The following TSPAN13 variants were observed in gnomAD, a reference collection of about 807,000 sequenced individuals.
The protein encoded by TSPAN13 is tetraspanin 13.
Under a neutral mutation model 26.9 loss-of-function variants are expected in TSPAN13, and 18 were observed. The observed-to-expected ratio is 0.67, with a 90% CI of 0.46 to 0.99. The LOEUF is 0.99. Among genes scored for constraint, TSPAN13 ranks in the 50% least tolerant of loss-of-function variants. The probability of loss-of-function intolerance (pLI) is 0.00; values close to 1 mark genes in which losing one functional copy is unlikely to be tolerated. For synonymous variants in TSPAN13, 116 were observed against 98.4 expected, an observed-to-expected ratio of 1.18 and a Z score of -1.06; for missense variants, 201 against 249.6, an observed-to-expected ratio of 0.81 and a Z score of 1.31.
chr7:16,772,266 G>C (rs1416136499), intron 1 of TSPAN13, among the ~76,000 whole-genome samples: 1 of 152,138 alleles, frequency 6.6e-6, no homozygotes, highest in African/African-American at 2.4e-5. Context: ...TTCCAGGCAG[G>C]TTCTATAACA....
At chr7:16,771,082 G>T (rs1784672145) in intron 1 of TSPAN13, among the ~76,000 whole-genome samples, 1 of 152,106 alleles carries the variant, frequency 6.6e-6, no homozygotes, top group Admixed American at 6.6e-5. Context: ...ATCCTTTCCC[G>T]TTAGGGACTG....
In TSPAN13 at chr7:16,783,525, G is replaced by A. The variant is rs779576204; in HGVS notation, c.*34G>A. ...CAAGGAAGATTTCCTTTCGTATTAT[G>A]ATCTTGTTCACTTTCTGTAATTTTC... On this transcript the variant is annotated 3_prime_UTR_variant, in exon 6 of 6. Transcript: ENST00000262067. 6.3e-7 allele frequency: 1 copy of A among 1,592,812 alleles called. No individual in the cohort carries two copies. The highest frequency in any genetic ancestry group is 8.6e-7 in the Non-Finnish European group (1 of 1,161,448).
chr7:16,758,154 AT>A (rs1285237141), intron 1 of TSPAN13, among the ~76,000 whole-genome samples: 1 of 152,150 alleles, frequency 6.6e-6, no homozygotes, highest in Non-Finnish European at 1.5e-5. Context: ...CCGGCCTGGG[AT>A]GCATTTTATA....
In TSPAN13 at chr7:16,777,072, G is replaced by A; in HGVS notation, c.262G>A (p.Val88Ile). 6.2e-7 allele frequency: 1 copy of A among 1,613,172 alleles called. No individual in the cohort carries two copies. The highest frequency in any genetic ancestry group is 8.5e-7 in the Non-Finnish European group (1 of 1,179,430). The change falls in exon 3 of 6, where the codon GTT becomes ATT. Residue 88 changes from valine (V) to isoleucine (I), a missense_variant. Val to Ile is a conservative substitution (Grantham distance 29). Transcript: ENST00000262067. ...GATTATTCTGTTACTTGTATTTATTGTTCAGTTTTCTGTATCTTGCGCTTG... is the reference window on the plus strand; with the variant it reads ...GATTATTCTGTTACTTGTATTTATTATTCAGTTTTCTGTATCTTGCGCTTG... ...YMIILLLVFI[V>I]QFSVSCACLA...
At chr7:16,771,659 G>T (rs1234154271) in intron 1 of TSPAN13, among the ~76,000 whole-genome samples, 1 of 152,234 alleles carries the variant, frequency 6.6e-6, no homozygotes, top group Non-Finnish European at 1.5e-5. Flanking sequence ...CAAGGAAACA[G>T]ATTCTCCCTC....
At chr7:16,773,191 A>G (rs1784701237) in intron 1 of TSPAN13, among the ~76,000 whole-genome samples, 1 of 150,266 alleles carries the variant, frequency 6.7e-6, no homozygotes, top group Non-Finnish European at 1.5e-5. Context: ...CAATTATTTG[A>G]TTATTTGTCC....
intron 5 of TSPAN13, among the ~76,000 whole-genome samples, chr7:16,780,193 G>C (rs1293987828): frequency 6.6e-6 from 1 of 151,926 alleles, no homozygotes; most frequent in African/African-American, 2.4e-5. Flanking sequence ...TCCACCTCTT[G>C]GGTTCAAGCG....
intron 1 of TSPAN13, among the ~76,000 whole-genome samples, chr7:16,754,832 A>C (rs1412232092): frequency 1.3e-5 from 2 of 152,144 alleles, no homozygotes; most frequent in Non-Finnish European, 2.9e-5. Flanking sequence ...GAGGATGGGC[A>C]GGACAGATCG....
intron 1 of TSPAN13, among the ~76,000 whole-genome samples, chr7:16,772,068 AC>A (rs1161560692): frequency 2.6e-5 from 4 of 152,202 alleles, no homozygotes; most frequent in African/African-American, 4.8e-5. Flanking sequence ...TCTTTTCTTT[AC>A]ATTTACATTA....
At chr7:16,770,157 CCT>C (rs1183764925) in intron 1 of TSPAN13, among the ~76,000 whole-genome samples, 3 of 149,682 alleles carry the variant, frequency 2.0e-5, no homozygotes, top group African/African-American at 7.3e-5. Flanking sequence ...TTTTTATTCC[CCT>C]TTTATCTTTT....
In TSPAN13 at chr7:16,783,339, AT is replaced by A. The variant is rs1361174648; in HGVS notation, c.541-74del. The A allele has an allele frequency of 3.5e-6, 5 of 1,415,712 alleles. No homozygotes were observed. The East Asian group carries it at 1.2e-4, about 33-fold the overall frequency. The allele number at this position is 1,415,712 out of a possible 1,614,324, so 87.7% of individuals were successfully genotyped here. On this transcript the variant is annotated intron_variant, in intron 5 of 5. Transcript: ENST00000262067. ...AAAGCGATTGAGAGGGTCCAAAGTT[AT>A]TTTATTGATCAACTGAATAAATATA...
At chr7:16,777,505 A>G (rs1478002789) in intron 3 of TSPAN13, among the ~76,000 whole-genome samples, 2 of 152,212 alleles carry the variant, frequency 1.3e-5, no homozygotes, top group Non-Finnish European at 2.9e-5. Flanking sequence ...TCATGGAGCA[A>G]CAGAACTTTT....
At chr7:16,779,611 ATGTAT>A (rs1338638727) in intron 5 of TSPAN13, among the ~76,000 whole-genome samples, 1 of 151,894 alleles carries the variant, frequency 6.6e-6, no homozygotes, top group African/African-American at 2.4e-5. Context: ...TATGTGTATA[ATGTAT>A]TGTGTATAAT....
chr7:16,763,551 C>G (rs928935180), intron 1 of TSPAN13, among the ~76,000 whole-genome samples: 56 of 152,198 alleles, frequency 3.7e-4, no homozygotes, highest in Admixed American at 1.0e-3. Flanking sequence ...TAGATCTTTC[C>G]CTGTCCATGA....
chr7:16,768,219 G>T (rs945598192), intron 1 of TSPAN13, among the ~76,000 whole-genome samples: 2 of 152,200 alleles, frequency 1.3e-5, no homozygotes, highest in Non-Finnish European at 2.9e-5. Context: ...TGGCCTGTAG[G>T]CATTTTTTAA....
At chr7:16,779,435 G>A (rs1345182919) in intron 5 of TSPAN13, among the ~76,000 whole-genome samples, 1 of 151,874 alleles carries the variant, frequency 6.6e-6, no homozygotes, top group African/African-American at 2.4e-5. Context: ...ATTTGGAAAA[G>A]GTAGGACATT....
At chr7:16,768,651 C>T (rs1407928501) in intron 1 of TSPAN13, among the ~76,000 whole-genome samples, 1 of 152,138 alleles carries the variant, frequency 6.6e-6, no homozygotes, top group Non-Finnish European at 1.5e-5. Context: ...ATTTTCTATA[C>T]TTTTAAGTTG....
intron 5 of TSPAN13, 84 bp from the exon 6 acceptor site, chr7:16,783,333 A>G (rs1228877198): frequency 1.4e-6 from 2 of 1,386,022 alleles, no homozygotes; most frequent in South Asian, 2.4e-5. Flanking sequence ...GAGAGGGTCC[A>G]AAGTTATTTT....
Position 16,777,885 on chromosome 7 carries a change from G to A in TSPAN13, c.400G>A (p.Val134Ile). 1 of 1,613,380 alleles carries A rather than the reference G, an allele frequency of 6.2e-7. No individual in the cohort carries two copies. Among genetic ancestry groups the A allele is most frequent in the Non-Finnish European group, 8.5e-7 (1 of 1,179,564 alleles). Residue 134 changes from valine to isoleucine, a missense_variant, in exon 4 of 6, where the codon GTT (valine) becomes ATT (isoleucine). Transcript: ENST00000262067. ...RNLNCCGFRS[V>I]NPNDTCLASC... ...TCTAAACTGCTGTGGGTTCCGAAGT[G>A]TTAACCCAAATGACACCTGTCTGGC...
Sources: gnomAD v4.1 joint callset for allele counts (sites outside exome capture counted in the v4.1 genomes callset) on GRCh38, gnomAD v4.1.1 for gene constraint, MANE v1.5 for transcripts, NCBI Gene and HGNC (gene_info 2026-07-23, HGNC 2026-07-21) for gene names.